The following ZNF333 variants were observed in gnomAD, a reference collection of about 807,000 sequenced individuals.
The protein encoded by ZNF333 is zinc finger protein 333.
Under a neutral mutation model 76.1 loss-of-function variants are expected in ZNF333, and 61 were observed. The observed-to-expected ratio is 0.80, with a 90% CI of 0.65 to 0.99. ZNF333 has a LOEUF of 0.99. ZNF333 is among the 50% of genes least tolerant of loss of function. The probability of loss-of-function intolerance (pLI) is 0.00; values close to 1 mark genes in which losing one functional copy is unlikely to be tolerated. For missense variants in ZNF333, 717 were observed against 822.4 expected, an observed-to-expected ratio of 0.87 and a Z score of 1.57; for synonymous variants, 284 against 305.0, an observed-to-expected ratio of 0.93 and a Z score of 0.72.
chr19:14,718,785 C>T lies in ZNF333; in HGVS notation c.1458C>T (p.Ala486=), dbSNP rs773499717. ...KPFECSQCGK[A]FREHSSLKTH... is the part of the protein sequence containing the mutation. Reference sequence around the variant, plus strand: ...TTGAATGCAGCCAGTGTGGGAAAGCCTTCAGGGAACACTCTTCACTGAAGA... The same window carrying T: ...TTGAATGCAGCCAGTGTGGGAAAGCTTTCAGGGAACACTCTTCACTGAAGA... Residue 486 remains alanine (A), a synonymous_variant, in exon 12 of 12, where the codon GCC becomes GCT. Transcript: ENST00000292530. 3.1e-6 allele frequency: 5 copies of T among 1,614,066 alleles called. No homozygotes were observed. In the Admixed American group the frequency reaches 8.3e-5, roughly 27 times the overall value.
intron 7 of ZNF333, among the ~76,000 whole-genome samples, chr19:14,710,027 C>T (rs1757637965): frequency 6.6e-6 from 1 of 152,128 alleles, no homozygotes; most frequent in African/African-American, 2.4e-5. Flanking sequence ...GATAAAATTC[C>T]CCATGGAGCA....
At chr19:14,715,173 G>T in intron 7 of ZNF333, 1 of 542,492 alleles carries the variant, frequency 1.8e-6, no homozygotes, top group Non-Finnish European at 3.4e-6. Context: ...GTATATGTGT[G>T]CATGTCTGTG....
intron 5 of ZNF333, among the ~76,000 whole-genome samples, chr19:14,699,909 C>T (rs1973556539): frequency 1.3e-5 from 2 of 152,172 alleles, no homozygotes; most frequent in African/African-American, 4.8e-5. Context: ...GCTGTCTAAA[C>T]AAGGCATGGC....
At chr19:14,706,850 TC>T in intron 7 of ZNF333, 77 bp downstream of exon 7, 4 of 1,282,884 alleles carry the variant, frequency 3.1e-6, no homozygotes, top group Non-Finnish European at 2.2e-6. Flanking sequence ...TTGTATCCTA[TC>T]CTGCCTGCAT....
At chr19:14,717,462 C>G in intron 10 of ZNF333, 195 bp from the exon 11 acceptor site, 4 of 580,986 alleles carry the variant, frequency 6.9e-6, no homozygotes, top group African/African-American at 3.7e-5. Flanking sequence ...GATTACATAA[C>G]TTCTCATCTA....
Position 14,706,720 on chromosome 19 carries a change from T to C in ZNF333, c.458T>C (p.Val153Ala). ...LKAAMQIQRV[V>A]IPVPTLGHRN... ...GCCGCTATGCAGATTCAGAGGGTGG[T>C]GATACCAGTGCCTACTCTGGGCCAC... Residue 153 changes from valine (V) to alanine (A), a missense_variant, in exon 7 of 12, where the codon GTG becomes GCG. Physicochemically the swap from Val to Ala is moderately conservative, Grantham distance 64. Transcript: ENST00000292530. The C allele has an allele frequency of 6.2e-7, 1 of 1,614,068 alleles. No individual in the cohort carries two copies. Among genetic ancestry groups the C allele is most frequent in the Non-Finnish European group, 8.5e-7 (1 of 1,180,012 alleles).
At chr19:14,704,293 C>CT (rs565211153) in intron 5 of ZNF333, among the ~76,000 whole-genome samples, 11 of 151,276 alleles carry the variant, frequency 7.3e-5, no homozygotes, top group African/African-American at 2.2e-4. Flanking sequence ...TGTACCCTGA[C>CT]TTTTTTTTTA....
chr19:14,694,650 T>C (rs752894741), intron 2 of ZNF333, among the ~76,000 whole-genome samples: 1 of 152,188 alleles, frequency 6.6e-6, no homozygotes, highest in East Asian at 1.9e-4. Context: ...AAAAACTCTC[T>C]AAGCAGGGAG....
intron 4 of ZNF333, 138 bp from the exon 5 acceptor site, chr19:14,699,061 T>G: frequency 1.7e-6 from 1 of 585,556 alleles, no homozygotes; most frequent in Admixed American, 2.9e-5. Flanking sequence ...ATTTGAATAT[T>G]TATATTCAAC....
At chr19:14,704,113 A>C (rs1407380672) in intron 5 of ZNF333, among the ~76,000 whole-genome samples, 2 of 152,028 alleles carry the variant, frequency 1.3e-5, no homozygotes, top group Non-Finnish European at 2.9e-5. Flanking sequence ...CCTCTGTGCC[A>C]CACCTTTCTA....
At chr19:14,717,429 C>T (rs1232023372) in intron 10 of ZNF333, 1 of 560,340 alleles carries the variant, frequency 1.8e-6, no homozygotes, top group Non-Finnish European at 3.2e-6. Flanking sequence ...AAATTACCTA[C>T]TATTTCCTTC....
downstream of ZNF333, among the ~76,000 whole-genome samples, chr19:14,723,161 C>T (rs982557935): frequency 6.6e-6 from 1 of 152,208 alleles, no homozygotes; most frequent in Non-Finnish European, 1.5e-5. Flanking sequence ...GTTTTCCCAG[C>T]ACCATTTGTT....
chr19:14,693,503 A>C lies in ZNF333; in HGVS notation c.3+9A>C. 1.9e-6 allele frequency: 3 copies of C among 1,601,218 alleles called. No individual in the cohort carries two copies. The highest frequency in any genetic ancestry group is 2.6e-6 in the Non-Finnish European group (3 of 1,170,782). ...CTGGCTCCAGTGTCATGGTGAGGAA[A>C]CTGGGGGCTCCTGTGGCTGAAGGGG... On this transcript the variant is annotated intron_variant, in intron 2 of 11. Transcript: ENST00000292530.
chr19:14,706,756 G>A lies in ZNF333; in HGVS notation c.494G>A (p.Trp165Ter), dbSNP rs2042122479. ...PVPTLGHRNP[W>*]VARDSAVPAR... is the part of the protein sequence containing the mutation. ...CCTACTCTGGGCCACCGCAACCCAT[G>A]GGTGGCCAGGGATTCTGGTGAGTGA... is the stretch of plus-strand genomic sequence containing the variant. Residue 165 changes from tryptophan (W) to a stop codon, truncating the protein, a stop_gained, in exon 7 of 12, where the codon TGG becomes TAG. Coordinates refer to ENST00000292530, the MANE Select transcript of ZNF333 (RefSeq NM_032433.4). LOFTEE classifies it high-confidence loss of function. 1 of 1,613,386 alleles carries A rather than the reference G, an allele frequency of 6.2e-7. No individual in the cohort carries two copies. Among genetic ancestry groups the A allele is most frequent in the Admixed American group, 1.7e-5 (1 of 59,916 alleles).
intron 7 of ZNF333, among the ~76,000 whole-genome samples, chr19:14,714,550 A>G (rs1470838026): frequency 6.6e-6 from 1 of 152,064 alleles, no homozygotes; most frequent in African/African-American, 2.4e-5. Context: ...GAGAGGATAC[A>G]TTTCTGTGGT....
At chr19:14,724,123 C>T (rs1326801719), downstream of ZNF333, among the ~76,000 whole-genome samples, 1 of 152,162 alleles carries the variant, frequency 6.6e-6, no homozygotes, top group Non-Finnish European at 1.5e-5. Flanking sequence ...CTGTCTAGGT[C>T]CCACTCAAGA....
intron 11 of ZNF333, among the ~76,000 whole-genome samples, chr19:14,729,932 G>A (rs532734642): frequency 4.6e-5 from 7 of 152,294 alleles, no homozygotes; most frequent in Non-Finnish European, 8.8e-5. Context: ...CCTGCTAGTT[G>A]TATACTGGAA....
At chr19:14,702,952 C>G (rs992710964) in intron 5 of ZNF333, among the ~76,000 whole-genome samples, 10 of 151,976 alleles carry the variant, frequency 6.6e-5, no homozygotes, top group Non-Finnish European at 1.0e-4. Flanking sequence ...CACCTGTAAT[C>G]CCAGCACTTT....
At chr19:14,730,426 T>TC (rs2042660030) in intron 11 of ZNF333, among the ~76,000 whole-genome samples, 1 of 94,212 alleles carries the variant, frequency 1.1e-5, no homozygotes, top group Non-Finnish European at 2.5e-5. Flanking sequence ...CATCAGTCTG[T>TC]CCTTCCTTCC....
Sources: allele counts gnomAD v4.1 joint callset (sites outside exome capture counted in the v4.1 genomes callset), GRCh38; gene constraint gnomAD v4.1.1; transcripts MANE v1.5; gene names NCBI Gene and HGNC (gene_info 2026-07-23, HGNC 2026-07-21).